Variants in CTNNA3 observed in about 807,000 individuals in gnomAD.
The protein encoded by CTNNA3 is catenin alpha-3.
In CTNNA3, 76 loss-of-function variants were observed where a neutral mutation model predicts 95.7. The observed-to-expected ratio is 0.79, with a 90% CI of 0.66 to 0.96. The LOEUF (loss-of-function observed/expected upper bound fraction) is 0.96, where lower values mean the gene tolerates loss of function less well. Ranked by LOEUF, CTNNA3 falls within the 40% of genes least tolerant of loss-of-function variation. The pLI is 0.00. For synonymous variants in CTNNA3, 431 were observed against 374.4 expected (o/e 1.15, Z -1.74); for missense variants, 1,191 against 1,089.8 (o/e 1.09, Z -1.31).
In CTNNA3 at chr10:66,178,249, A is replaced by AT. The variant is rs200645596; in HGVS notation, c.1885-75001dup. 6.6e-3 allele frequency among the ~76,000 whole-genome samples: 998 copies of AT among 150,650 alleles called. 21 individuals carry two copies. Among genetic ancestry groups the AT allele is most frequent in the African/African-American group, 0.022 (929 of 41,292 alleles). On this transcript the variant is annotated intron_variant, in intron 13 of 17. Transcript: ENST00000433211. ...AGATGGATTAGGTATACATTCCTCT[A>AT]TTTTTTTTCTTAAGTAAAATATACA...
chr10:66,394,420 G>C (rs1239629393), intron 11 of CTNNA3, among the ~76,000 whole-genome samples: 1 of 151,788 alleles, frequency 6.6e-6, no homozygotes, highest in African/African-American at 2.4e-5. Flanking sequence ...ACAAACCTTA[G>C]GCATTCTCAC....
chr10:67,124,332 C>CGG (rs1564907180), intron 7 of CTNNA3, among the ~76,000 whole-genome samples: 3 of 95,752 alleles, frequency 3.1e-5, no homozygotes, highest in African/African-American at 1.3e-4. Flanking sequence ...GGTGTGTTAG[C>CGG]GGTGTGTGTG....
At chr10:66,236,037 T>G (rs2089839165) in intron 13 of CTNNA3, among the ~76,000 whole-genome samples, 1 of 152,118 alleles carries the variant, frequency 6.6e-6, no homozygotes, top group Non-Finnish European at 1.5e-5. Flanking sequence ...CAAAGGAAAT[T>G]TTAAGTCTCT....
intron 13 of CTNNA3, among the ~76,000 whole-genome samples, chr10:66,145,591 G>C (rs902000289): frequency 3.3e-5 from 5 of 152,112 alleles, no homozygotes; most frequent in Non-Finnish European, 7.4e-5. Context: ...TGGTCTTGTG[G>C]AAAGAGGTAA....
intron 7 of CTNNA3, among the ~76,000 whole-genome samples, chr10:67,019,444 C>T (rs977665817): frequency 6.6e-6 from 1 of 152,166 alleles, no homozygotes; most frequent in East Asian, 1.9e-4. Flanking sequence ...TCACAAACTC[C>T]CGACCTCAGG....
chr10:66,339,958 G>A lies in CTNNA3; in HGVS notation c.1732+39194C>T, dbSNP rs140984110. ...TGGATCTCATCTTTGAAATACAGCC[G>A]AGTGGATGGAGCCTTGCAGACATCC... On this transcript the variant is annotated intron_variant, in intron 12 of 17. Transcript: ENST00000433211. Among the ~76,000 whole-genome samples, 5 of 151,648 alleles carry A rather than the reference G, an allele frequency of 3.3e-5. 1 individual carries two copies. Among genetic ancestry groups the A allele is most frequent in the Admixed American group, 1.3e-4 (2 of 15,218 alleles).
intron 9 of CTNNA3, among the ~76,000 whole-genome samples, chr10:66,677,330 G>T (rs1846894463): frequency 6.6e-6 from 1 of 151,914 alleles, no homozygotes; most frequent in African/African-American, 2.4e-5. Flanking sequence ...TTTCCAATCT[G>T]CTATGAACCA....
At chr10:66,723,223 T>C (rs1401961776) in intron 9 of CTNNA3, among the ~76,000 whole-genome samples, 1 of 152,218 alleles carries the variant, frequency 6.6e-6, no homozygotes, top group Non-Finnish European at 1.5e-5. Context: ...TTATGCAGGC[T>C]ATGAGATACA....
chr10:65,921,757 T>C (rs928764643), intron 17 of CTNNA3, among the ~76,000 whole-genome samples: 1 of 152,194 alleles, frequency 6.6e-6, no homozygotes, highest in African/African-American at 2.4e-5. Flanking sequence ...ATATGGTCTG[T>C]CCAGTAACCT....
chr10:67,480,251 G>A lies in CTNNA3; in HGVS notation c.579+41591C>T, dbSNP rs1848168810. 3.3e-5 allele frequency among the ~76,000 whole-genome samples: 5 copies of A among 152,206 alleles called. No homozygotes were observed. The South Asian group carries it at 1.0e-3, about 32-fold the overall frequency. ...CTTTCTAACTCATGCTACAAAAGTA[G>A]CATCAGCCTGACACCAAAACCTGGC... On this transcript the variant is annotated intron_variant, in intron 5 of 17. Coordinates refer to ENST00000433211, the MANE Select transcript of CTNNA3 (RefSeq NM_013266.4).
chr10:66,153,767 A>G (rs1173253029), intron 13 of CTNNA3, among the ~76,000 whole-genome samples: 2 of 151,792 alleles, frequency 1.3e-5, no homozygotes. Context: ...AGACTAAAAA[A>G]TGAAAACGTA....
At chr10:66,623,548 T>G (rs993250166) in intron 9 of CTNNA3, among the ~76,000 whole-genome samples, 1 of 152,062 alleles carries the variant, frequency 6.6e-6, no homozygotes, top group African/African-American at 2.4e-5. Context: ...AGAATTAATT[T>G]TATACAACCC....
chr10:66,316,113 A>T (rs752916094), intron 12 of CTNNA3, among the ~76,000 whole-genome samples: 2 of 152,146 alleles, frequency 1.3e-5, no homozygotes, highest in Non-Finnish European at 2.9e-5. Context: ...AATATTGAGT[A>T]TTGAAATAAA....
At chr10:67,548,604 C>T (rs893522321) in intron 3 of CTNNA3, among the ~76,000 whole-genome samples, 4 of 152,190 alleles carry the variant, frequency 2.6e-5, no homozygotes, top group South Asian at 4.1e-4. Context: ...TAAACCTTTA[C>T]GTTTATGGTA....
intron 9 of CTNNA3, among the ~76,000 whole-genome samples, chr10:66,710,397 A>C (rs747953377): frequency 3.9e-5 from 6 of 152,116 alleles, no homozygotes; most frequent in Non-Finnish European, 8.8e-5. Context: ...TTCCCTTTTG[A>C]GAAAATATTT....
At chr10:67,440,782 G>A (rs1048954026) in intron 5 of CTNNA3, among the ~76,000 whole-genome samples, 2 of 151,922 alleles carry the variant, frequency 1.3e-5, no homozygotes, top group Non-Finnish European at 2.9e-5. Flanking sequence ...TATTGGGCCT[G>A]GGGCCCAAAT....
intron 13 of CTNNA3, among the ~76,000 whole-genome samples, chr10:66,259,881 G>A (rs1208376052): frequency 1.3e-5 from 2 of 152,148 alleles, no homozygotes; most frequent in African/African-American, 4.8e-5. Flanking sequence ...GGGCCCACCT[G>A]CAAAATCAGA....
At chr10:66,199,805 A>ATATTTTT (rs1564756586) in intron 13 of CTNNA3, among the ~76,000 whole-genome samples, 2 of 14,292 alleles carry the variant, frequency 1.4e-4, no homozygotes, top group African/African-American at 7.8e-4. Flanking sequence ...ATATATATAT[A>ATATTTTT]TTTTTTTTTT....
At chr10:66,461,685 G>A (rs200355234) in intron 11 of CTNNA3, among the ~76,000 whole-genome samples, 23 of 140,134 alleles carry the variant, frequency 1.6e-4, no homozygotes, top group African/African-American at 5.2e-4. Context: ...ATATATATAT[G>A]TATATATATA....
Sources: gnomAD v4.1 joint callset for allele counts (sites outside exome capture counted in the v4.1 genomes callset) on GRCh38, gnomAD v4.1.1 for gene constraint, MANE v1.5 for transcripts, NCBI Gene and HGNC (gene_info 2026-07-23, HGNC 2026-07-21) for gene names.